The following PIK3R5 variants were observed in gnomAD, a reference collection of about 807,000 sequenced individuals.
The protein encoded by PIK3R5 is phosphoinositide-3-kinase regulatory subunit 5, also known as phosphoinositide 3-kinase regulatory subunit 5.
PIK3R5 carries 32 observed loss-of-function variants against 94.9 expected under a neutral mutation model. The ratio of observed to expected loss-of-function variants is 0.34; its 90% CI spans 0.25 to 0.45. The LOEUF is 0.45. Ranked by LOEUF, PIK3R5 falls within the 20% of genes least tolerant of loss-of-function variation. The pLI is 1.00. For missense variants in PIK3R5, 853 were observed against 1,144.6 expected (o/e 0.75, Z 3.68); for synonymous variants, 443 against 479.4 (o/e 0.92, Z 0.99).
intron 1 of PIK3R5, among the ~76,000 whole-genome samples, chr17:8,949,627 A>T (rs955317204): frequency 2.6e-5 from 4 of 152,234 alleles, no homozygotes; most frequent in African/African-American, 9.6e-5. Flanking sequence ...CCTGAATAGG[A>T]TTGGACACTA....
intron 5 of PIK3R5, among the ~76,000 whole-genome samples, chr17:8,899,048 G>T (rs2151388337): frequency 6.6e-6 from 1 of 152,328 alleles, no homozygotes; most frequent in South Asian, 2.1e-4. Flanking sequence ...TAAATTCTTT[G>T]CAGGAAAGTA....
chr17:8,934,421 A>C (rs2091037491), intron 1 of PIK3R5, among the ~76,000 whole-genome samples: 1 of 152,226 alleles, frequency 6.6e-6, no homozygotes, highest in East Asian at 1.9e-4. Context: ...AAATCAATGA[A>C]TACGTGGAGA....
intron 1 of PIK3R5, among the ~76,000 whole-genome samples, chr17:8,934,051 G>A (rs375263738): frequency 2.8e-4 from 43 of 152,302 alleles, no homozygotes; most frequent in African/African-American, 9.4e-4. Flanking sequence ...AAGGATGTCT[G>A]TTCTTACCTA....
At position 8,880,499 on chromosome 17, in the gene PIK3R5, G is replaced by T; in HGVS notation, c.*140C>A. ...AGGCCCCAGAAACCCTCTACTCCCAGCCCCTGCTCATTGCAGGACCCACAG... is the reference window on the plus strand; with the variant it reads ...AGGCCCCAGAAACCCTCTACTCCCATCCCCTGCTCATTGCAGGACCCACAG... On this transcript the variant is annotated 3_prime_UTR_variant, in exon 19 of 19. Transcript: ENST00000447110. 3.6e-6 allele frequency: 3 copies of T among 822,902 alleles called. No homozygotes were observed. The highest frequency in any genetic ancestry group is 5.3e-6 in the Non-Finnish European group (3 of 563,304). 51.0% of individuals were successfully genotyped at this position (822,902 alleles called of 1,614,324 possible). A position where few individuals can be genotyped will look rare whatever the true frequency, so the allele number is the denominator to read the frequency against.
At position 8,884,383 on chromosome 17, in the gene PIK3R5, G is replaced by A. The variant is rs2089758806; in HGVS notation, c.2205+324C>T. Among the ~76,000 whole-genome samples the A allele has an allele frequency of 6.6e-6, 1 of 151,690 alleles. No homozygotes were observed. The highest frequency in any genetic ancestry group is 2.4e-5 in the African/African-American group (1 of 41,260). On this transcript the variant is annotated intron_variant, in intron 15 of 18. Transcript: ENST00000447110. The surrounding 1 kb of genome is among the most constrained non-coding windows in gnomAD (Gnocchi z 5.8). Reference sequence around the variant, plus strand: ...CCCGAGACCCTGGCTTCTCCCTGAGGTGCCTCTGGAAGGCTTCCCTTTCCC... The same window carrying A: ...CCCGAGACCCTGGCTTCTCCCTGAGATGCCTCTGGAAGGCTTCCCTTTCCC...
At chr17:8,914,532 A>C (rs544339265) in intron 1 of PIK3R5, among the ~76,000 whole-genome samples, 1 of 152,286 alleles carries the variant, frequency 6.6e-6, no homozygotes, top group East Asian at 1.9e-4. Flanking sequence ...TTGGGAAGAG[A>C]AAAAGGGTTG....
In PIK3R5 at chr17:8,943,687, C is replaced by T. The variant is rs571617904; in HGVS notation, c.-14+21909G>A. 4.1e-4 allele frequency among the ~76,000 whole-genome samples: 62 copies of T among 152,196 alleles called. No homozygotes were observed. The South Asian group carries it at 0.01, about 25-fold the overall frequency. On this transcript the variant is annotated intron_variant, in intron 1 of 18. Coordinates refer to ENST00000447110, the MANE Select transcript of PIK3R5 (RefSeq NM_001142633.3). ...GTTCAGGAGGCTGAGGCAGGAGAAT[C>T]GCTGGAACCCAGGAGGCAGAGGTTG...
intron 1 of PIK3R5, among the ~76,000 whole-genome samples, chr17:8,918,338 T>C (rs1200347526): frequency 1.3e-5 from 2 of 152,138 alleles, no homozygotes; most frequent in Non-Finnish European, 2.9e-5. Flanking sequence ...TAAGTCAATA[T>C]TTGAAAAACC....
intron 1 of PIK3R5, among the ~76,000 whole-genome samples, chr17:8,962,079 T>C (rs74759151): frequency 1.3e-5 from 2 of 152,336 alleles, no homozygotes; most frequent in East Asian, 3.9e-4. Context: ...CACTTAGGCT[T>C]GGTCAATTCT....
At chr17:8,900,962 C>T (rs1162584039) in intron 5 of PIK3R5, among the ~76,000 whole-genome samples, 3 of 152,158 alleles carry the variant, frequency 2.0e-5, no homozygotes, top group Admixed American at 1.3e-4. Context: ...AGAATCATTT[C>T]GGTCTTTGGT....
chr17:8,917,118 C>A (rs191337112), intron 1 of PIK3R5, among the ~76,000 whole-genome samples: 16 of 152,220 alleles, frequency 1.1e-4, no homozygotes, highest in Non-Finnish European at 1.9e-4. Flanking sequence ...TAAAAGAATT[C>A]TTCCCAACAC....
intron 15 of PIK3R5, among the ~76,000 whole-genome samples, chr17:8,883,378 AC>A (rs1374675682): frequency 2.0e-5 from 3 of 152,198 alleles, no homozygotes; most frequent in African/African-American, 7.2e-5. Flanking sequence ...AAAAAAACAA[AC>A]AAAAAACCAC....
intron 1 of PIK3R5, among the ~76,000 whole-genome samples, chr17:8,959,472 T>C (rs906583166): frequency 6.6e-6 from 1 of 152,210 alleles, no homozygotes; most frequent in East Asian, 1.9e-4. Context: ...TGTGTGCTTA[T>C]GGGTGACGAG....
chr17:8,880,534 G>A lies in PIK3R5; in HGVS notation c.*105C>T. 1.7e-6 allele frequency: 2 copies of A among 1,168,974 alleles called. No homozygotes were observed. Among genetic ancestry groups the A allele is most frequent in the East Asian group, 2.6e-5 (1 of 38,282 alleles). 72.4% of individuals were successfully genotyped at this position (1,168,974 alleles called of 1,614,324 possible). A position where few individuals can be genotyped will look rare whatever the true frequency, so the allele number is the denominator to read the frequency against. On this transcript the variant is annotated 3_prime_UTR_variant, in exon 19 of 19. Transcript: ENST00000447110. ...ATTGCAGGACCCACAGTGGGACTATGGCTCTGCACAGGGCCATTCAGTTCT... is the reference window on the plus strand; with the variant it reads ...ATTGCAGGACCCACAGTGGGACTATAGCTCTGCACAGGGCCATTCAGTTCT...
At position 8,897,539 on chromosome 17, in the gene PIK3R5, G is replaced by T. The variant is rs377254598; in HGVS notation, c.413-3884C>A. On this transcript the variant is annotated intron_variant, in intron 5 of 18. Transcript: ENST00000447110. ...TAACACCCTTTCACCACCCTGGTGA[G>T]AGTCACCCTAACAGGACCAATCCAG... Among the ~76,000 whole-genome samples the T allele has an allele frequency of 2.6e-5, 4 of 152,200 alleles. No homozygotes were observed. The East Asian group carries it at 5.8e-4, about 22-fold the overall frequency.
chr17:8,885,022 G>A (rs1226011758), intron 14 of PIK3R5: 7 of 520,262 alleles, frequency 1.3e-5, no homozygotes, highest in Non-Finnish European at 2.4e-5. Flanking sequence ...CACATTCCCA[G>A]GGTCCTGCCT....
chr17:8,925,861 A>G lies in PIK3R5; in HGVS notation c.-13-14354T>C, dbSNP rs978647063. Among the ~76,000 whole-genome samples, 3 of 152,202 alleles carry G rather than the reference A, an allele frequency of 2.0e-5. No individual in the cohort carries two copies. The highest frequency in any genetic ancestry group is 2.9e-5 in the Non-Finnish European group (2 of 68,032). ...GATGGAGAAGTTTGGGGAGAGGACAATTTGGGAGAGGAAAACAAGAGTCCT... is the reference window on the plus strand; with the variant it reads ...GATGGAGAAGTTTGGGGAGAGGACAGTTTGGGAGAGGAAAACAAGAGTCCT... On this transcript the variant is annotated intron_variant, in intron 1 of 18. Coordinates refer to ENST00000447110, the MANE Select transcript of PIK3R5 (RefSeq NM_001142633.3). This position sits in a 1 kb window ranked among gnomAD's most constrained non-coding sequence, Gnocchi z 5.1.
chr17:8,889,749 T>C lies in PIK3R5; in HGVS notation c.811+224A>G, dbSNP rs6503163. Among the ~76,000 whole-genome samples the C allele has an allele frequency of 0.052, 7,865 of 152,126 alleles. 257 individuals are homozygous for C. Among genetic ancestry groups the C allele is most frequent in the Middle Eastern group, 0.14 (40 of 294 alleles). The stretch of plus-strand genomic sequence containing the variant: ...AGCCTTTGCCCTCGTAAGCACTCTC[T>C]TTTCCTCTTCCCACAAGCTGCCATC... On this transcript the variant is annotated intron_variant, in intron 8 of 18. Transcript: ENST00000447110. This position sits in a 1 kb window ranked among gnomAD's most constrained non-coding sequence, Gnocchi z 4.1.
chr17:8,923,224 T>C lies in PIK3R5; in HGVS notation c.-13-11717A>G, dbSNP rs143976787. ...AAAGACTTTCCCAAGGACATACGGA[T>C]AGCACAGAGAGGATTCGAACTAAGG... On this transcript the variant is annotated intron_variant, in intron 1 of 18. Coordinates refer to ENST00000447110, the MANE Select transcript of PIK3R5 (RefSeq NM_001142633.3). 7.7e-4 allele frequency among the ~76,000 whole-genome samples: 118 copies of C among 152,278 alleles called. 3 individuals are homozygous for C. In the East Asian group the frequency reaches 0.021, roughly 27 times the overall value.
Sources: allele counts gnomAD v4.1 joint callset (sites outside exome capture counted in the v4.1 genomes callset), GRCh38; gene constraint gnomAD v4.1.1; non-coding constraint Gnocchi (gnomAD v3.1); transcripts MANE v1.5; gene names NCBI Gene and HGNC (gene_info 2026-07-23, HGNC 2026-07-21).